Variants in HERC2 observed in about 807,000 individuals in gnomAD.
HERC2 encodes the protein E3 ubiquitin-protein ligase HERC2.
Under a neutral mutation model 537.7 loss-of-function variants are expected in HERC2, and 102 were observed. The ratio of observed to expected loss-of-function variants is 0.19; its 90% CI spans 0.16 to 0.22. HERC2 has a LOEUF of 0.22. Ranked by LOEUF, HERC2 falls within the 10% of genes least tolerant of loss-of-function variation. The pLI is 1.00. For synonymous variants in HERC2, 2,224 were observed against 2,466.2 expected, an observed-to-expected ratio of 0.90 and a Z score of 2.91; for missense variants, 4,236 against 6,198.2, an observed-to-expected ratio of 0.68 and a Z score of 10.63.
At chr15:28,202,731 G>C in intron 45 of HERC2, 117 bp from the exon 46 acceptor site, 1 of 385,958 alleles carries the variant, frequency 2.6e-6, no homozygotes, top group Non-Finnish European at 4.3e-6. Flanking sequence ...AGTCTAGAAA[G>C]CCCGCATTCA....
At chr15:28,272,772 T>C (rs771744555) in intron 8 of HERC2, 122 bp downstream of exon 8, 1 of 644,554 alleles carries the variant, frequency 1.6e-6, no homozygotes, top group Non-Finnish European at 2.7e-6. Flanking sequence ...GGGACATGGT[T>C]CTCCGTACAG....
At position 28,130,194 on chromosome 15, in the gene HERC2, G is replaced by T; in HGVS notation, c.12771C>A (p.Gly4257=). Residue 4257 remains glycine, a synonymous_variant, in exon 83 of 93, where the codon GGC becomes GGA. Coordinates refer to ENST00000261609, the MANE Select transcript of HERC2 (RefSeq NM_004667.6). The part of the protein sequence containing the change: ...QGKKVIAIAT[G]SLHCVCCTED... ...CTGTGCAGCACACACAGTGCAGGGA[G>T]CCAGTGGCGATGGCGATGACTTTCT... is the stretch of plus-strand genomic sequence containing the variant. The T allele has an allele frequency of 6.2e-7, 1 of 1,614,172 alleles. No homozygotes were observed.
intron 34 of HERC2, among the ~76,000 whole-genome samples, chr15:28,228,982 T>C (rs1471529495): frequency 6.6e-6 from 1 of 152,196 alleles, no homozygotes; most frequent in Non-Finnish European, 1.5e-5. Flanking sequence ...AATGTAAAAA[T>C]GTTATACTAG....
chr15:28,175,205 GGA>G (rs142046335), intron 64 of HERC2, among the ~76,000 whole-genome samples: 7,544 of 152,100 alleles, frequency 0.05, 268 homozygotes, highest in Non-Finnish European at 0.079. Context: ...ATTCTCTAAA[GGA>G]AAGTCTTGCT....
At chr15:28,155,496 T>C (rs1892906513) in intron 69 of HERC2, among the ~76,000 whole-genome samples, 2 of 152,172 alleles carry the variant, frequency 1.3e-5, no homozygotes, top group African/African-American at 2.4e-5. Context: ...TGGTTTTGAT[T>C]TGCATTTCTC....
At chr15:28,220,674 G>A (rs747741393) in intron 36 of HERC2, 30 bp from the exon 37 acceptor site, 3 of 1,592,308 alleles carry the variant, frequency 1.9e-6, no homozygotes, top group Middle Eastern at 2.3e-4. Context: ...GATCAGTTAG[G>A]AGGGTGCGTA....
intron 44 of HERC2, among the ~76,000 whole-genome samples, chr15:28,209,484 C>T (rs896214040): frequency 6.6e-6 from 1 of 152,102 alleles, no homozygotes; most frequent in African/African-American, 2.4e-5. Flanking sequence ...GCTGGGACTA[C>T]AGGCACCTGC....
At chr15:28,150,158 C>T (rs1395066926) in intron 70 of HERC2, among the ~76,000 whole-genome samples, 1 of 151,718 alleles carries the variant, frequency 6.6e-6, no homozygotes, top group Admixed American at 6.6e-5. Flanking sequence ...CACAAATGCA[C>T]ATTCTAGTGA....
At chr15:28,280,783 GC>G (rs2076002168) in intron 4 of HERC2, among the ~76,000 whole-genome samples, 1 of 151,950 alleles carries the variant, frequency 6.6e-6, no homozygotes, top group Admixed American at 6.6e-5. Flanking sequence ...GGTGACGCAC[GC>G]CTGGAATTCC....
At chr15:28,194,049 T>C (rs1897101520) in intron 52 of HERC2, among the ~76,000 whole-genome samples, 1 of 150,984 alleles carries the variant, frequency 6.6e-6, no homozygotes, top group Admixed American at 6.6e-5. Flanking sequence ...GCCCCACATG[T>C]ATTGTTTGAT....
intron 2 of HERC2, among the ~76,000 whole-genome samples, chr15:28,307,913 T>C (rs1010224171): frequency 1.2e-4 from 19 of 152,286 alleles, no homozygotes; most frequent in African/African-American, 4.6e-4. Flanking sequence ...TTGGTCTGTG[T>C]CTGTTTTATG....
rs1398390973 is a variant in HERC2 at position 28,301,759 on chromosome 15, A to G, written c.73-2243T>C. Among the ~76,000 whole-genome samples the G allele has an allele frequency of 4.1e-3, 465 of 114,538 alleles. 1 individual carries two copies. Among genetic ancestry groups the G allele is most frequent in the African/African-American group, 0.016 (429 of 26,634 alleles). The allele number at this position is 114,538 out of a possible 152,430, so 75.1% of individuals were successfully genotyped here. On this transcript the variant is annotated intron_variant, in intron 2 of 92. Transcript: ENST00000261609. ...TGTATATATATATATATATATATAT[A>G]TATATATATATATATATATATGGGT...
chr15:28,194,535 G>A (rs572618417), intron 52 of HERC2, among the ~76,000 whole-genome samples: 1 of 151,456 alleles, frequency 6.6e-6, no homozygotes, highest in South Asian at 2.1e-4. Flanking sequence ...ACGCGCCACT[G>A]CACTCCAGCC....
At position 28,111,647 on chromosome 15, in the gene HERC2, C is replaced by T. The variant is rs1887655670; in HGVS notation, c.*116G>A. ...TCAGTCTCTCCACTCCCTCCTCCCG[C>T]CTGGCTCGAGGACGGACGCTTCTCA... On this transcript the variant is annotated 3_prime_UTR_variant, in exon 93 of 93. Coordinates refer to ENST00000261609, the MANE Select transcript of HERC2 (RefSeq NM_004667.6). 8.8e-7 allele frequency: 1 copy of T among 1,130,686 alleles called. No homozygotes were observed. Among genetic ancestry groups the T allele is most frequent in the Admixed American group, 2.2e-5 (1 of 45,330 alleles). The allele number at this position is 1,130,686 out of a possible 1,614,324, so 70.0% of individuals were successfully genotyped here.
At chr15:28,309,542 G>T (rs2076883795) in intron 2 of HERC2, among the ~76,000 whole-genome samples, 1 of 152,158 alleles carries the variant, frequency 6.6e-6, no homozygotes, top group Non-Finnish European at 1.5e-5. Flanking sequence ...GTCCTGAAGG[G>T]ATGGTCTTCA....
intron 2 of HERC2, among the ~76,000 whole-genome samples, chr15:28,310,730 T>C (rs1407121612): frequency 1.3e-5 from 2 of 152,022 alleles, no homozygotes; most frequent in Non-Finnish European, 2.9e-5. Flanking sequence ...GAATACGACA[T>C]TTGACCCGTG....
chr15:28,291,737 C>A (rs193272953), intron 4 of HERC2, among the ~76,000 whole-genome samples: 84 of 151,576 alleles, frequency 5.5e-4, no homozygotes, highest in African/African-American at 2.0e-3. Context: ...AAAACAAAAA[C>A]CTCAATTAAA....
chr15:28,318,641 G>C (rs1469278352), intron 2 of HERC2, among the ~76,000 whole-genome samples: 1 of 151,600 alleles, frequency 6.6e-6, no homozygotes, highest in Non-Finnish European at 1.5e-5. Context: ...AAAAAGTATT[G>C]TACAATTAAA....
chr15:28,181,200 C>T (rs1454989754), intron 57 of HERC2, among the ~76,000 whole-genome samples: 2 of 152,196 alleles, frequency 1.3e-5, no homozygotes, highest in African/African-American at 4.8e-5. Flanking sequence ...ATAGTCACTA[C>T]TGCAGCGGAA....
Sources: allele counts gnomAD v4.1 joint callset (sites outside exome capture counted in the v4.1 genomes callset), GRCh38; gene constraint gnomAD v4.1.1; transcripts MANE v1.5; gene names NCBI Gene and HGNC (gene_info 2026-07-23, HGNC 2026-07-21).